Variants in GRHL3 observed in about 807,000 individuals in gnomAD.
GRHL3 encodes the protein grainyhead-like protein 3 homolog.
In GRHL3, 20 loss-of-function variants were observed where a neutral mutation model predicts 70.3. That is an observed-to-expected ratio of 0.28 (90% CI 0.20 to 0.41). GRHL3 has a LOEUF of 0.41. Ranked by LOEUF, GRHL3 falls within the 10% of genes least tolerant of loss-of-function variation. GRHL3 has a pLI of 1.00. For synonymous variants in GRHL3, 299 were observed against 299.9 expected (o/e 1.00, Z 0.03); for missense variants, 637 against 762.3 (o/e 0.84, Z 1.94).
At chr1:24,332,940 G>A (rs1639664379) in intron 2 of GRHL3, among the ~76,000 whole-genome samples, 1 of 152,320 alleles carries the variant, frequency 6.6e-6, no homozygotes, top group African/African-American at 2.4e-5. Flanking sequence ...TTCAGCCCAG[G>A]TCGATGGAAG....
rs536894711 is a variant in GRHL3 at position 24,331,270 on chromosome 1, C to T, written c.18-156C>T. Among the ~76,000 whole-genome samples the T allele has an allele frequency of 4.6e-5, 7 of 152,312 alleles. No homozygotes were observed. In the East Asian group the frequency reaches 1.2e-3, roughly 25 times the overall value. ...TCGATCCAGCTCCAGAGTTTGTGTC[C>T]ATTCTGCTGCCCCACACTGCCTAAT... On this transcript the variant is annotated intron_variant, in intron 1 of 15. Coordinates refer to ENST00000361548, the MANE Select transcript of GRHL3 (RefSeq NM_198173.3).
At chr1:24,335,789 A>G (rs1050742918) in intron 3 of GRHL3, among the ~76,000 whole-genome samples, 3 of 152,000 alleles carry the variant, frequency 2.0e-5, no homozygotes, top group African/African-American at 7.2e-5. Flanking sequence ...TCACCATATT[A>G]GCCAGGATGG....
chr1:24,342,417 C>A lies in GRHL3; in HGVS notation c.1206+144C>A. On this transcript the variant is annotated intron_variant, in intron 9 of 15. Coordinates refer to ENST00000361548, the MANE Select transcript of GRHL3 (RefSeq NM_198173.3). This position sits in a 1 kb window ranked among gnomAD's most constrained non-coding sequence, Gnocchi z 4.8. ...CTCCTCCTTCCCCTCTCCTCCTCCA[C>A]CCCCACTCCTCCATCTCTCTGTCTC... The A allele has an allele frequency of 1.4e-6, 1 of 693,118 alleles. No individual in the cohort carries two copies. Among genetic ancestry groups the A allele is most frequent in the Non-Finnish European group, 2.4e-6 (1 of 413,310 alleles). The allele number at this position is 693,118 out of a possible 1,614,324, so 42.9% of individuals were successfully genotyped here. A position where few individuals can be genotyped will look rare whatever the true frequency, so the allele number is the denominator to read the frequency against.
chr1:24,351,915 A>G (rs1297490698), intron 15 of GRHL3, among the ~76,000 whole-genome samples: 1 of 152,208 alleles, frequency 6.6e-6, no homozygotes, highest in African/African-American at 2.4e-5. Flanking sequence ...AGTAGTTACA[A>G]GGTCATGAGT....
In GRHL3 at chr1:24,335,369, C is replaced by T. The variant is rs534546872; in HGVS notation, c.266+663C>T. Among the ~76,000 whole-genome samples, 119 of 152,336 alleles carry T rather than the reference C, an allele frequency of 7.8e-4. No homozygotes were observed. In the Middle Eastern group the frequency reaches 0.01, roughly 13 times the overall value. The stretch of plus-strand genomic sequence containing the variant: ...AAGACTAGATGGGCACTGGAAAGAC[C>T]TTGTCCCTCTTTCTCCACTTTCTCC... On this transcript the variant is annotated intron_variant, in intron 3 of 15. Coordinates refer to ENST00000361548, the MANE Select transcript of GRHL3 (RefSeq NM_198173.3).
rs762135256 is a variant in GRHL3 at position 24,339,679 on chromosome 1, GA to G, written c.968del (p.Asn323ThrfsTer22). 6.2e-7 allele frequency: 1 copy of G among 1,611,388 alleles called. No individual in the cohort carries two copies. Among genetic ancestry groups the G allele is most frequent in the Non-Finnish European group, 8.5e-7 (1 of 1,178,074 alleles). ...QRVIDVADCKENFNTVEHIEE... is the reference protein window; with the variant it reads ...QRVIDVADCKXNFNTVEHIEE... ...TCCTGTGGTTTCAGCTGACTGCAAA[GA>G]AAACTTCAACACTGTGGAGCACATT... On this transcript the variant is annotated frameshift_variant, in exon 8 of 16. Coordinates refer to ENST00000361548, the MANE Select transcript of GRHL3 (RefSeq NM_198173.3). LOFTEE classifies it high-confidence loss of function.
chr1:24,331,575 G>C lies in GRHL3; in HGVS notation c.167G>C (p.Ser56Thr). Reference protein sequence around the residue: ...AMMRVNGDDDSVAALSFLYDY... With the variant: ...AMMRVNGDDDTVAALSFLYDY... Reference sequence around the variant, plus strand: ...ATGAGAGTCAATGGAGATGATGACAGTGTTGCGGCCTTGAGCTTCCTCTAT... The same window carrying C: ...ATGAGAGTCAATGGAGATGATGACACTGTTGCGGCCTTGAGCTTCCTCTAT... Residue 56 changes from serine to threonine, a missense_variant, in exon 2 of 16, where the codon AGT becomes ACT. Around this residue, in one of 2 missense-constraint regions of GRHL3, gnomAD observed 250 missense variants for 248.6 expected, o/e 1.01. Coordinates refer to ENST00000361548, the MANE Select transcript of GRHL3 (RefSeq NM_198173.3). 6.2e-7 allele frequency: 1 copy of C among 1,614,074 alleles called. No individual in the cohort carries two copies. The highest frequency in any genetic ancestry group is 8.5e-7 in the Non-Finnish European group (1 of 1,179,964).
chr1:24,346,046 C>A (rs113541277), intron 12 of GRHL3, among the ~76,000 whole-genome samples: 89 of 152,242 alleles, frequency 5.8e-4, no homozygotes, highest in African/African-American at 2.1e-3. Context: ...AAGTGAAGTG[C>A]CTTCTAGCTG....
At chr1:24,358,265 G>A (rs548004034), downstream of GRHL3, 14 of 636,832 alleles carry the variant, frequency 2.2e-5, no homozygotes, top group African/African-American at 1.8e-4. Flanking sequence ...GGATGGGTGC[G>A]TGGGGAAGCA....
At chr1:24,360,276 C>G (rs1641017643), downstream of GRHL3, among the ~76,000 whole-genome samples, 1 of 152,176 alleles carries the variant, frequency 6.6e-6, no homozygotes, top group South Asian at 2.1e-4. Flanking sequence ...GAACCCCTGT[C>G]TGTCTCTGCT....
rs967987510 is a variant in GRHL3 at position 24,342,121 on chromosome 1, A to G, written c.1054A>G (p.Ile352Val). 1.3e-6 allele frequency: 2 copies of G among 1,576,938 alleles called. No individual in the cohort carries two copies. The highest frequency in any genetic ancestry group is 1.7e-6 in the Non-Finnish European group (2 of 1,159,220). ...CGGCCCCCTCTGTCTCCAGGTGTTC[A>G]TCGGCGTAAACTGTCTGAGCACAGA... ...WNVNEEAKVF[I>V]GVNCLSTDFS... The change falls in exon 9 of 16, where the codon ATC becomes GTC. Residue 352 changes from isoleucine to valine, a missense_variant. Physicochemically the swap from Ile to Val is conservative, Grantham distance 29. Coordinates refer to ENST00000361548, the MANE Select transcript of GRHL3 (RefSeq NM_198173.3). This position sits in a 1 kb window ranked among gnomAD's most constrained non-coding sequence, Gnocchi z 4.8.
At chr1:24,357,890 C>A (rs114389997), downstream of GRHL3, 951 of 320,840 alleles carry the variant, frequency 3.0e-3, 8 homozygotes, top group African/African-American at 0.019. Context: ...CCCCCGGGCC[C>A]GGCCACTGCC....
In GRHL3 at chr1:24,322,499, C is replaced by T. The variant is rs903404012; in HGVS notation, c.17+2931C>T. Among the ~76,000 whole-genome samples the T allele has an allele frequency of 6.6e-6, 1 of 152,254 alleles. No homozygotes were observed. The highest frequency in any genetic ancestry group is 2.4e-5 in the African/African-American group (1 of 41,472). ...GTTATTAAAAGTCGGAGCTACGCTG[C>T]TGCTGAATGAAAAGTTAAAAGCCCT... On this transcript the variant is annotated intron_variant, in intron 1 of 15. Coordinates refer to ENST00000361548, the MANE Select transcript of GRHL3 (RefSeq NM_198173.3). The surrounding 1 kb of genome is among the most constrained non-coding windows in gnomAD (Gnocchi z 4.4).
chr1:24,335,708 G>A (rs934674041), intron 3 of GRHL3, among the ~76,000 whole-genome samples: 8 of 151,066 alleles, frequency 5.3e-5, no homozygotes, highest in African/African-American at 1.7e-4. Context: ...TCAGCCTCCC[G>A]AGCAGCTGGG....
At chr1:24,350,658 A>AT (rs1640467993) in intron 15 of GRHL3, among the ~76,000 whole-genome samples, 1 of 152,246 alleles carries the variant, frequency 6.6e-6, no homozygotes, top group African/African-American at 2.4e-5. Flanking sequence ...TGTTACTGAC[A>AT]GAGCCGTAGG....
Position 24,361,062 on chromosome 1 carries a change from G to A in GRHL3, c.1695-3123G>A, listed in dbSNP as rs761134513. 33 of 1,592,110 alleles carry A rather than the reference G, an allele frequency of 2.1e-5. No homozygotes were observed. In the Admixed American group the frequency reaches 5.7e-4, roughly 28 times the overall value. On this transcript the variant is annotated intron_variant, in intron 15 of 15. Transcript: ENST00000350501. ...TTTTCCTTTGGGAAAGATAAAACGG[G>A]AAGATGTCACTAAGGCAGTCTAGTG...
At chr1:24,339,604 C>G in intron 7 of GRHL3, 64 bp from the exon 8 acceptor site, 1 of 1,150,572 alleles carries the variant, frequency 8.7e-7, no homozygotes, top group Non-Finnish European at 1.3e-6. Context: ...TTTAATGCCT[C>G]CCTCCTCAAG....
Position 24,336,596 on chromosome 1 carries a change from CAAG to C in GRHL3, c.387_389del (p.Lys129del). ...GAACCCCAGAGTACCCAGATTTGCT[CAAG>C]AAGAATAACCTGATGAGCTTGGAGG... On this transcript the variant is annotated inframe_deletion, in exon 4 of 16. Coordinates refer to ENST00000361548, the MANE Select transcript of GRHL3 (RefSeq NM_198173.3). 1 of 1,614,116 alleles carries C rather than the reference CAAG, an allele frequency of 6.2e-7. No homozygotes were observed. The highest frequency in any genetic ancestry group is 1.1e-5 in the South Asian group (1 of 91,056).
intron 1 of GRHL3, among the ~76,000 whole-genome samples, chr1:24,325,278 C>A: frequency 6.6e-6 from 1 of 152,130 alleles, no homozygotes; most frequent in East Asian, 1.9e-4. Flanking sequence ...GAGCTTGAGA[C>A]CACCTCCTTT....
Sources: gnomAD v4.1 joint callset for allele counts (sites outside exome capture counted in the v4.1 genomes callset) on GRCh38, gnomAD v4.1.1 for gene constraint, gnomAD v4.1.1 regional missense constraint, Gnocchi (gnomAD v3.1) non-coding constraint, MANE v1.5 for transcripts, NCBI Gene and HGNC (gene_info 2026-07-23, HGNC 2026-07-21) for gene names.